The following ZNF385A variants were observed in gnomAD, a reference collection of about 807,000 sequenced individuals.
The protein encoded by ZNF385A is zinc finger protein 385A, also known as hematopoietic zinc finger protein.
A neutral mutation model predicts 32.1 loss-of-function variants in ZNF385A; 14 were observed. The observed-to-expected ratio is 0.44, with a 90% CI of 0.29 to 0.68. The LOEUF is 0.68. ZNF385A is among the 30% of genes least tolerant of loss of function. The pLI, the probability that ZNF385A is intolerant of heterozygous loss-of-function variation, is 0.14. For missense variants in ZNF385A, 406 were observed against 478.4 expected (o/e 0.85, Z 1.41); for synonymous variants, 197 against 202.7 (o/e 0.97, Z 0.24).
chr12:54,370,783 T>G lies in ZNF385A; in HGVS notation c.775-62A>C, dbSNP rs1954500563. On this transcript the variant is annotated intron_variant, in intron 5 of 6. Coordinates refer to ENST00000394313, the MANE Select transcript of ZNF385A (RefSeq NM_015481.3). The surrounding 1 kb of genome is among the most constrained non-coding windows in gnomAD (Gnocchi z 5.5). ...GGAAAGGGGCAACAGCGAGGGAGTA[T>G]AATCAAGCTCCAAGCACCGGCCCCC... is the stretch of plus-strand genomic sequence containing the variant. 1 of 1,585,356 alleles carries G rather than the reference T, an allele frequency of 6.3e-7. No homozygotes were observed. The highest frequency in any genetic ancestry group is 8.6e-7 in the Non-Finnish European group (1 of 1,167,954).
At chr12:54,390,853 T>C (rs1055137430) in intron 1 of ZNF385A, among the ~76,000 whole-genome samples, 6 of 151,658 alleles carry the variant, frequency 4.0e-5, no homozygotes, top group African/African-American at 1.5e-4. Context: ...GGGAAGACGC[T>C]GGGGCGGGAG....
chr12:54,378,163 C>T (rs1440359206), intron 1 of ZNF385A, among the ~76,000 whole-genome samples: 2 of 152,182 alleles, frequency 1.3e-5, no homozygotes, highest in Non-Finnish European at 2.9e-5. Flanking sequence ...TCCCACCCTC[C>T]TCCAGGAACT....
In ZNF385A at chr12:54,384,561, C is replaced by G. The variant is rs1408653339; in HGVS notation, c.-47G>C. 6.8e-7 allele frequency: 1 copy of G among 1,469,708 alleles called. No homozygotes were observed. Among genetic ancestry groups the G allele is most frequent in the Admixed American group, 2.8e-5 (1 of 35,590 alleles). The allele number at this position is 1,469,708 out of a possible 1,614,324, so 91.0% of individuals were successfully genotyped here. ...AGGCAGGGGCCCTGCCCGGCTCAGG[C>G]TGCCTGAAGGGCAGAGAAAACATTC... On this transcript the variant is annotated 5_prime_UTR_variant, in exon 1 of 7. Transcript: ENST00000394313.
intron 1 of ZNF385A, among the ~76,000 whole-genome samples, chr12:54,381,905 G>C (rs1375100751): frequency 6.6e-6 from 1 of 152,086 alleles, no homozygotes; most frequent in African/African-American, 2.4e-5. Context: ...AAATGCCTCT[G>C]ACACAGCTCT....
At position 54,375,954 on chromosome 12, in the gene ZNF385A, T is replaced by C. The variant is rs1592243873; in HGVS notation, c.88A>G (p.Met30Val). The C allele has an allele frequency of 2.5e-6, 4 of 1,613,234 alleles. No individual in the cohort carries two copies. The highest frequency in any genetic ancestry group is 3.4e-6 in the Non-Finnish European group (4 of 1,179,332). ...TLGLFSNYST[M>V]DPVQKAVLSH... ...AGCACAGCCTTCTGCACAGGGTCCA[T>C]CTGTGGAGGCAGGCTGGGGTGAGCC... is the stretch of plus-strand genomic sequence containing the variant. The change falls in exon 2 of 7, where the codon ATG becomes GTG. Residue 30 changes from methionine (M) to valine (V), a missense_variant and splice_region_variant. Met to Val is a conservative substitution (Grantham distance 21). Coordinates refer to ENST00000394313, the MANE Select transcript of ZNF385A (RefSeq NM_015481.3).
chr12:54,373,858 T>TGG, intron 3 of ZNF385A, 115 bp downstream of exon 3: 1 of 1,127,912 alleles, frequency 8.9e-7, no homozygotes. Flanking sequence ...TGGGTGGGGG[T>TGG]GGGGGTATAG....
At chr12:54,371,165 T>C in intron 4 of ZNF385A, 69 bp from the exon 5 acceptor site, 3 of 1,501,768 alleles carry the variant, frequency 2.0e-6, no homozygotes, top group Non-Finnish European at 2.7e-6. Flanking sequence ...GGCCTCAGAA[T>C]GCACATTCCC....
upstream of ZNF385A, chr12:54,385,570 A>C: frequency 1.1e-6 from 1 of 930,176 alleles, no homozygotes; most frequent in Non-Finnish European, 1.3e-6. Flanking sequence ...ACAAAGGCAA[A>C]CCGAGGAGGC....
chr12:54,382,416 T>TA (rs1955240071), intron 1 of ZNF385A, among the ~76,000 whole-genome samples: 1 of 152,116 alleles, frequency 6.6e-6, no homozygotes, highest in Non-Finnish European at 1.5e-5. Flanking sequence ...TGTGTCTGGG[T>TA]CCCTCATTTG....
chr12:54,371,236 T>A, intron 4 of ZNF385A, 140 bp from the exon 5 acceptor site: 1 of 1,132,184 alleles, frequency 8.8e-7, no homozygotes, highest in Non-Finnish European at 1.2e-6. Flanking sequence ...CTAAGCTCCT[T>A]GGGACCCTCC....
At chr12:54,391,158 ATGG>A (rs1955630250) in intron 1 of ZNF385A, 1 of 1,413,286 alleles carries the variant, frequency 7.1e-7, no homozygotes, top group South Asian at 1.4e-5. Context: ...GTGCCGGGAG[ATGG>A]TGGAGGGGGG....
In ZNF385A at chr12:54,370,938, G is replaced by C. The variant is rs373407771; in HGVS notation, c.763C>G (p.Gln255Glu). 3.1e-6 allele frequency: 5 copies of C among 1,614,072 alleles called. No homozygotes were observed. The African/African-American group carries it at 6.7e-5, about 22-fold the overall frequency. ...GGCCTTAGACCCACCTGTTTCAGTT[G>C]GACCTCCGAGTTGACCTTGACATTG... ...ICNVKVNSEV[Q>E]LKQHISSRRH... The change falls in exon 5 of 7, where the codon CAA becomes GAA. Residue 255 changes from glutamine (Q) to glutamate (E), a missense_variant. Coordinates refer to ENST00000394313, the MANE Select transcript of ZNF385A (RefSeq NM_015481.3). This position sits in a 1 kb window ranked among gnomAD's most constrained non-coding sequence, Gnocchi z 5.5.
chr12:54,380,332 A>G (rs1442611767), intron 1 of ZNF385A, among the ~76,000 whole-genome samples: 1 of 152,196 alleles, frequency 6.6e-6, no homozygotes, highest in African/African-American at 2.4e-5. Flanking sequence ...AAGTACTATT[A>G]TTATCTTCAT....
Position 54,384,648 on chromosome 12 carries a change from C to A in ZNF385A, c.-134G>T. On this transcript the variant is annotated 5_prime_UTR_variant, in exon 1 of 7. Coordinates refer to ENST00000394313, the MANE Select transcript of ZNF385A (RefSeq NM_015481.3). ...CAAGCCTGCCAGTCCCACTCCCTAGCCAGGGCCCCCACACTCAGAAGTGTC... is the reference window on the plus strand; with the variant it reads ...CAAGCCTGCCAGTCCCACTCCCTAGACAGGGCCCCCACACTCAGAAGTGTC... 1 of 1,416,872 alleles carries A rather than the reference C, an allele frequency of 7.1e-7. No homozygotes were observed. Among genetic ancestry groups the A allele is most frequent in the Non-Finnish European group, 9.2e-7 (1 of 1,089,988 alleles). 87.8% of individuals were successfully genotyped at this position (1,416,872 alleles called of 1,614,324 possible).
rs553252755 is a variant in ZNF385A at position 54,383,450 on chromosome 12, C to T, written c.87+978G>A. Among the ~76,000 whole-genome samples, 170 of 152,278 alleles carry T rather than the reference C, an allele frequency of 1.1e-3. 1 individual carries two copies. The highest frequency in any genetic ancestry group is 3.5e-3 in the African/African-American group (144 of 41,544). ...CCACTCATACTGCCACTGCCACCAGCCCCGTCTGGCTTTTGAGGCTTCCCT... is the reference window on the plus strand; with the variant it reads ...CCACTCATACTGCCACTGCCACCAGTCCCGTCTGGCTTTTGAGGCTTCCCT... On this transcript the variant is annotated intron_variant, in intron 1 of 6. Coordinates refer to ENST00000394313, the MANE Select transcript of ZNF385A (RefSeq NM_015481.3).
In ZNF385A at chr12:54,370,840, G is replaced by GA; in HGVS notation, c.774+86dup. ...CTGGCCCCCTGGGGAAAACTCTGAA[G>GA]AAGGGCCTTTACTCAAGCTCCTTGC... On this transcript the variant is annotated intron_variant, in intron 5 of 6. Transcript: ENST00000394313. The surrounding 1 kb of genome is among the most constrained non-coding windows in gnomAD (Gnocchi z 5.5). The GA allele has an allele frequency of 1.2e-6, 2 of 1,604,766 alleles. No individual in the cohort carries two copies. The highest frequency in any genetic ancestry group is 8.5e-7 in the Non-Finnish European group (1 of 1,174,624).
chr12:54,372,730 A>G (rs1385606500), intron 3 of ZNF385A, among the ~76,000 whole-genome samples: 1 of 152,224 alleles, frequency 6.6e-6, no homozygotes, highest in Non-Finnish European at 1.5e-5. Context: ...GAAGCAGCCA[A>G]AGTACAATTA....
chr12:54,391,260 G>A (rs1252942042), exon 1 of ZNF385A: 9 of 1,379,694 alleles, frequency 6.5e-6, no homozygotes, highest in Admixed American at 3.0e-5. Context: ...GGACCCAGGC[G>A]CCCGGGGTTC....
At chr12:54,372,073 C>G (rs923326417) in intron 3 of ZNF385A, among the ~76,000 whole-genome samples, 1 of 152,192 alleles carries the variant, frequency 6.6e-6, no homozygotes, top group Admixed American at 6.5e-5. Context: ...GCCAGGACAG[C>G]CCCTTCCTGG....
Sources: gnomAD v4.1 joint callset for allele counts (sites outside exome capture counted in the v4.1 genomes callset) on GRCh38, gnomAD v4.1.1 for gene constraint, Gnocchi (gnomAD v3.1) non-coding constraint, MANE v1.5 for transcripts, NCBI Gene and HGNC (gene_info 2026-07-23, HGNC 2026-07-21) for gene names.